OAT: variants seen among roughly 807,000 people sequenced by gnomAD.
The protein encoded by OAT is ornithine aminotransferase, also known as ornithine aminotransferase, mitochondrial.
OAT carries 35 observed loss-of-function variants against 48.4 expected under a neutral mutation model. That is an observed-to-expected ratio of 0.72 (90% CI 0.55 to 0.96). The LOEUF (loss-of-function observed/expected upper bound fraction) is 0.96. Ranked by LOEUF, OAT falls within the 40% of genes least tolerant of loss-of-function variation. OAT has a pLI of 0.00. For missense variants in OAT, 438 were observed against 537.9 expected (o/e 0.81, Z 1.84); for synonymous variants, 182 against 198.4 (o/e 0.92, Z 0.70).
chr10:124,411,956 A>ATTAATT lies in OAT; in HGVS notation c.199+11_199+16dup, dbSNP rs201396618. ...GGTTTCAAGAAAAGGGAAAAGACGG[A>ATTAATT]TTAATTTGAAACGTACCTTTTCCTC... is the stretch of plus-strand genomic sequence containing the variant. On this transcript the variant is annotated intron_variant, in intron 2 of 9. Transcript: ENST00000368845. 2.9e-3 allele frequency: 4,599 copies of ATTAATT among 1,610,558 alleles called. 92 individuals carry two copies. The highest frequency in any genetic ancestry group is 0.025 in the East Asian group (1,118 of 44,862).
intron 1 of OAT, among the ~76,000 whole-genome samples, chr10:124,413,482 G>A (rs1042070006): frequency 2.6e-5 from 4 of 152,086 alleles, no homozygotes; most frequent in East Asian, 3.8e-4. Flanking sequence ...TCGGGAGTTC[G>A]AGACCAGCCT....
chr10:124,412,837 CTG>C (rs1375915850), intron 1 of OAT, among the ~76,000 whole-genome samples: 5 of 152,176 alleles, frequency 3.3e-5, no homozygotes, highest in Non-Finnish European at 7.3e-5. Context: ...AGCTAATGCA[CTG>C]TGTGTTGACT....
intron 1 of OAT, among the ~76,000 whole-genome samples, chr10:124,418,419 G>C (rs1054426317): frequency 2.0e-5 from 3 of 152,172 alleles, no homozygotes; most frequent in African/African-American, 7.2e-5. Flanking sequence ...GTGCCCAAAG[G>C]CCTCCTACCC....
chr10:124,400,463 A>G (rs1951372647), intron 9 of OAT, among the ~76,000 whole-genome samples: 1 of 151,372 alleles, frequency 6.6e-6, no homozygotes. Flanking sequence ...AAAAAAAAAA[A>G]AAAAGTGTGG....
chr10:124,409,071 C>G, intron 2 of OAT, 106 bp from the exon 3 acceptor site: 1 of 713,070 alleles, frequency 1.4e-6, no homozygotes, highest in Non-Finnish European at 2.4e-6. Flanking sequence ...ATATGAACCT[C>G]TATTTAATAC....
At chr10:124,415,866 C>T (rs567748710) in intron 1 of OAT, among the ~76,000 whole-genome samples, 99 of 152,206 alleles carry the variant, frequency 6.5e-4, no homozygotes, top group African/African-American at 2.2e-3. Context: ...TTCCCTTTTG[C>T]CCTTAAAACT....
At position 124,400,951 on chromosome 10, in the gene OAT, C is replaced by T. The variant is rs957471181; in HGVS notation, c.1048G>A (p.Asp350Asn). 1 of 1,611,432 alleles carries T rather than the reference C, an allele frequency of 6.2e-7. No individual in the cohort carries two copies. The highest frequency in any genetic ancestry group is 8.5e-7 in the Non-Finnish European group (1 of 1,178,684). ...LEEENLAENA[D>N]KLGIILRNEL... ...TTTCTCAAGATAATGCCCAATTTGT[C>T]TGCATTTTCAGCAAGGTTTTCTTCT... is the stretch of plus-strand genomic sequence containing the variant. Residue 350 changes from aspartate (D) to asparagine (N), a missense_variant, in exon 9 of 10, where the codon GAC becomes AAC. Physicochemically the swap from Asp to Asn is conservative, Grantham distance 23. Coordinates refer to ENST00000368845, the MANE Select transcript of OAT (RefSeq NM_000274.4).
Position 124,406,201 on chromosome 10 carries a change from G to A in OAT, c.521-638C>T, listed in dbSNP as rs75785374. 3,251 of 854,896 alleles carry A rather than the reference G, an allele frequency of 3.8e-3. 89 individuals are homozygous for A. The African/African-American group carries it at 0.055, about 14-fold the overall frequency. 53.0% of individuals were successfully genotyped at this position (854,896 alleles called of 1,614,324 possible). A position where few individuals can be genotyped will look rare whatever the true frequency, so the allele number is the denominator to read the frequency against. On this transcript the variant is annotated intron_variant, in intron 4 of 9. Transcript: ENST00000368845. ...TATGTCAGGCATTGTTTTAGATGTTGGGGAATAGACCAGGCACAGTGGCTC... is the reference window on the plus strand; with the variant it reads ...TATGTCAGGCATTGTTTTAGATGTTAGGGAATAGACCAGGCACAGTGGCTC...
Position 124,408,639 on chromosome 10 carries a change from T to C in OAT, c.425-2A>G, listed in dbSNP as rs386833608. 1 of 1,609,446 alleles carries C rather than the reference T, an allele frequency of 6.2e-7. No homozygotes were observed. The highest frequency in any genetic ancestry group is 1.1e-5 in the South Asian group (1 of 90,962). ...AGGCAGTCTCTCCAGCCTCCACTCC[T>C]ATCAGGAGAGAAAAATGTTCAGATT... is the stretch of plus-strand genomic sequence containing the variant. On this transcript the variant is annotated splice_acceptor_variant, in intron 3 of 9. Transcript: ENST00000368845. LOFTEE classifies it high-confidence loss of function.
At chr10:124,403,601 T>G (rs1951481195) in intron 6 of OAT, among the ~76,000 whole-genome samples, 197 bp downstream of exon 6, 2 of 152,358 alleles carry the variant, frequency 1.3e-5, no homozygotes, top group African/African-American at 2.4e-5. Context: ...GGAAAAAGTC[T>G]GCTTCTGTGC....
Position 124,397,688 on chromosome 10 carries a change from C to A in OAT, c.*254G>T, listed in dbSNP as rs536682290. The A allele has an allele frequency of 1.9e-5, 9 of 462,274 alleles. No homozygotes were observed. In the East Asian group the frequency reaches 3.4e-4, roughly 17 times the overall value. The allele number at this position is 462,274 out of a possible 1,614,324, so 28.6% of individuals were successfully genotyped here. ...GCTGTCTGTATATAGATGCATTTCA[C>A]CTTAGGAAGTACACATGCACATCAA... On this transcript the variant is annotated 3_prime_UTR_variant, in exon 10 of 10. Transcript: ENST00000368845.
intron 2 of OAT, among the ~76,000 whole-genome samples, chr10:124,409,353 A>G (rs1029367214): frequency 6.6e-6 from 1 of 152,140 alleles, no homozygotes; most frequent in African/African-American, 2.4e-5. Context: ...GCTTGAGCCC[A>G]GGAGTTCCAG....
Position 124,398,011 on chromosome 10 carries a change from C to A in OAT, c.1251G>T (p.Pro417=). 1 of 1,613,992 alleles carries A rather than the reference C, an allele frequency of 6.2e-7. No homozygotes were observed. The highest frequency in any genetic ancestry group is 2.2e-5 in the East Asian group (1 of 44,882). Residue 417 remains proline (P), a synonymous_variant, in exon 10 of 10, where the codon CCG becomes CCT. Transcript: ENST00000368845. ...GAAGCTCATCCTCCTTGATCACCAG[C>A]GGAGGCGCAAACCTGATAATGTCGC... ...THGDIIRFAP[P]LVIKEDELRE...
intron 8 of OAT, 47 bp downstream of exon 8, chr10:124,401,679 A>G: frequency 7.8e-7 from 1 of 1,285,232 alleles, no homozygotes; most frequent in South Asian, 1.2e-5. Context: ...AAATCACTTC[A>G]ACATTGCTTT....
chr10:124,413,313 T>C lies in OAT; in HGVS notation c.-29-1113A>G, dbSNP rs527400958. Among the ~76,000 whole-genome samples, 1,125 of 135,040 alleles carry C rather than the reference T, an allele frequency of 8.3e-3. 11 individuals are homozygous for C. The highest frequency in any genetic ancestry group is 0.016 in the Admixed American group (213 of 13,550). The allele number at this position is 135,040 out of a possible 152,430, so 88.6% of individuals were successfully genotyped here. ...ACACACACACACACACACACACATA[T>C]ATGAGATTCCCAAACAAAACAATCT... On this transcript the variant is annotated intron_variant, in intron 1 of 9. Transcript: ENST00000368845.
chr10:124,418,023 C>T (rs1485298604), intron 1 of OAT: 4 of 152,290 alleles, frequency 2.6e-5, no homozygotes, highest in African/African-American at 9.6e-5. Flanking sequence ...TCCCGTCCCG[C>T]CCGGGAAGGC....
intron 1 of OAT, chr10:124,418,118 A>T (rs1481644457): frequency 6.6e-6 from 1 of 151,692 alleles, no homozygotes; most frequent in East Asian, 1.9e-4. Flanking sequence ...TTTCATGCTG[A>T]AAGTCCTGTT....
At chr10:124,403,380 A>G (rs1951472635) in intron 6 of OAT, 3 of 447,040 alleles carry the variant, frequency 6.7e-6, no homozygotes, top group Non-Finnish European at 8.2e-6. Flanking sequence ...AAATTAATTC[A>G]TTTGTTTATT....
At chr10:124,413,363 C>A (rs1229508590) in intron 1 of OAT, among the ~76,000 whole-genome samples, 2 of 150,932 alleles carry the variant, frequency 1.3e-5, no homozygotes, top group Admixed American at 6.6e-5. Context: ...GTTGTTTCTA[C>A]AAAACTTATC....
Sources: allele counts gnomAD v4.1 joint callset (sites outside exome capture counted in the v4.1 genomes callset), GRCh38; gene constraint gnomAD v4.1.1; transcripts MANE v1.5; gene names NCBI Gene and HGNC (gene_info 2026-07-23, HGNC 2026-07-21).